C3orf20: variants seen among roughly 807,000 people sequenced by gnomAD.
C3orf20 encodes the protein family with sequence similarity 149 member C.
C3orf20 carries 76 observed loss-of-function variants against 88.3 expected under a neutral mutation model. That is an observed-to-expected ratio of 0.86 (90% CI 0.72 to 1.04). The LOEUF is 1.04. Among genes scored for constraint, C3orf20 ranks in the 50% least tolerant of loss-of-function variants. The pLI is 0.00. For missense variants in C3orf20, 1,056 were observed against 1,123.3 expected (o/e 0.94, Z 0.86); for synonymous variants, 436 against 437.4 (o/e 1.00, Z 0.04).
intron 4 of C3orf20, among the ~76,000 whole-genome samples, chr3:14,688,529 C>CAAAAAAAAAAA (rs35979290): frequency 1.1e-4 from 12 of 105,772 alleles, no homozygotes; most frequent in Non-Finnish European, 1.6e-4. Context: ...GAGACTGTCT[C>CAAAAAAAAAAA]AAAAAAAAAA....
intron 14 of C3orf20, 30 bp from the exon 15 acceptor site, chr3:14,761,443 G>C: frequency 1.2e-6 from 2 of 1,613,886 alleles, no homozygotes; most frequent in Non-Finnish European, 1.7e-6. Context: ...ATGTGCTGAG[G>C]ATCTCTCCTC....
At chr3:14,684,597 C>A in intron 4 of C3orf20, among the ~76,000 whole-genome samples, 1 of 152,208 alleles carries the variant, frequency 6.6e-6, no homozygotes, top group Admixed American at 6.5e-5. Context: ...TGGGCAACAG[C>A]TACACCTCAC....
chr3:14,704,398 T>G lies in C3orf20; in HGVS notation c.940T>G (p.Tyr314Asp). 6.2e-7 allele frequency: 1 copy of G among 1,614,068 alleles called. No individual in the cohort carries two copies. The highest frequency in any genetic ancestry group is 8.5e-7 in the Non-Finnish European group (1 of 1,179,994). Residue 314 changes from tyrosine to aspartate, a missense_variant, in exon 7 of 17, where the codon TAC (tyrosine) becomes GAC (aspartate). Transcript: ENST00000253697. ...CTCCTACCCCATGATCTTACGAAAC[T>G]ACAAGGCAAAGATGCCCTCTCATCT... is the stretch of plus-strand genomic sequence containing the variant. ...NISYPMILRN[Y>D]KAKMPSHLML...
intron 7 of C3orf20, among the ~76,000 whole-genome samples, chr3:14,706,407 G>A (rs2033505154): frequency 6.6e-6 from 1 of 151,928 alleles, no homozygotes; most frequent in Non-Finnish European, 1.5e-5. Context: ...TCCTCATGAA[G>A]CTGTGTCTAT....
intron 7 of C3orf20, among the ~76,000 whole-genome samples, chr3:14,712,281 A>G (rs1381795321): frequency 6.6e-6 from 1 of 152,080 alleles, no homozygotes; most frequent in Non-Finnish European, 1.5e-5. Flanking sequence ...AAAGAATACC[A>G]AAGATTTCTG....
intron 15 of C3orf20, among the ~76,000 whole-genome samples, chr3:14,771,387 A>G (rs191639390): frequency 1.3e-5 from 2 of 152,328 alleles, no homozygotes; most frequent in Admixed American, 1.3e-4. Flanking sequence ...ACAGAAATTC[A>G]TCCTCTCACA....
intron 7 of C3orf20, among the ~76,000 whole-genome samples, chr3:14,704,921 G>A (rs1438359744): frequency 6.6e-6 from 1 of 152,234 alleles, no homozygotes; most frequent in African/African-American, 2.4e-5. Context: ...GAACCTCTCA[G>A]TTGAGACGTG....
intron 12 of C3orf20, among the ~76,000 whole-genome samples, chr3:14,744,207 C>T (rs1434917646): frequency 6.6e-6 from 1 of 151,966 alleles, no homozygotes; most frequent in African/African-American, 2.4e-5. Context: ...ATTTCTTCCA[C>T]CAGATACTCT....
At chr3:14,727,691 T>G (rs2034402437) in intron 11 of C3orf20, among the ~76,000 whole-genome samples, 1 of 152,244 alleles carries the variant, frequency 6.6e-6, no homozygotes, top group Admixed American at 6.5e-5. Context: ...CCCCTTTCTC[T>G]GGGAAGCCTT....
intron 7 of C3orf20, among the ~76,000 whole-genome samples, chr3:14,713,772 ACTAC>A (rs1323593402): frequency 6.6e-6 from 1 of 152,214 alleles, no homozygotes; most frequent in Non-Finnish European, 1.5e-5. Context: ...GGAAGATAAT[ACTAC>A]CTACCACAAG....
chr3:14,704,990 C>A (rs1337127454), intron 7 of C3orf20, among the ~76,000 whole-genome samples: 1 of 152,202 alleles, frequency 6.6e-6, no homozygotes, highest in Non-Finnish European at 1.5e-5. Context: ...AGGCCTTAAA[C>A]AATTGGGAAC....
intron 7 of C3orf20, 130 bp from the exon 8 acceptor site, chr3:14,713,877 G>A: frequency 2.2e-6 from 2 of 912,364 alleles, no homozygotes; most frequent in Non-Finnish European, 1.7e-6. Flanking sequence ...AAAATGCAAG[G>A]AGGGTGTTTG....
At chr3:14,707,976 C>T (rs1051992004) in intron 7 of C3orf20, among the ~76,000 whole-genome samples, 15 of 151,962 alleles carry the variant, frequency 9.9e-5, no homozygotes, top group African/African-American at 3.1e-4. Flanking sequence ...TGCACCACCA[C>T]GCTGACTAAT....
intron 7 of C3orf20, among the ~76,000 whole-genome samples, chr3:14,713,670 C>G (rs1453204582): frequency 6.6e-6 from 1 of 152,154 alleles, no homozygotes. Flanking sequence ...CCAACTCATC[C>G]TGGTTTGCCT....
chr3:14,678,897 T>C (rs1044564392), intron 1 of C3orf20, among the ~76,000 whole-genome samples: 1 of 152,204 alleles, frequency 6.6e-6, no homozygotes, highest in African/African-American at 2.4e-5. Context: ...ATATAGCACA[T>C]GCAAATTCTT....
intron 5 of C3orf20, among the ~76,000 whole-genome samples, chr3:14,700,412 T>G (rs769614011): frequency 2.0e-5 from 3 of 152,214 alleles, no homozygotes. Context: ...TCTCTTAGGG[T>G]CTAACTTACC....
intron 1 of C3orf20, among the ~76,000 whole-genome samples, chr3:14,676,870 A>G (rs2031800484): frequency 6.6e-6 from 1 of 152,086 alleles, no homozygotes; most frequent in Non-Finnish European, 1.5e-5. Context: ...AGTGGCCCCA[A>G]CTCTGCTCAC....
At chr3:14,747,832 T>TTATA (rs959049523) in intron 12 of C3orf20, among the ~76,000 whole-genome samples, 1 of 151,864 alleles carries the variant, frequency 6.6e-6, no homozygotes, top group Non-Finnish European at 1.5e-5. Flanking sequence ...AGGCTTTATA[T>TTATA]TATATATATA....
In C3orf20 at chr3:14,726,893, C is replaced by T; in HGVS notation, c.1567-8C>T. 6.2e-7 allele frequency: 1 copy of T among 1,613,962 alleles called. No homozygotes were observed. The highest frequency in any genetic ancestry group is 8.5e-7 in the Non-Finnish European group (1 of 1,180,012). On this transcript the variant is annotated splice_polypyrimidine_tract_variant and splice_region_variant and intron_variant, in intron 10 of 16. Coordinates refer to ENST00000253697, the MANE Select transcript of C3orf20 (RefSeq NM_032137.5). ...GTGACACCCGCCCTCCCCTTTGCCC[C>T]TCTCCAGCTGAACCGCAGAATCAGC... is the stretch of plus-strand genomic sequence containing the variant.
Sources: allele counts gnomAD v4.1 joint callset (sites outside exome capture counted in the v4.1 genomes callset), GRCh38; gene constraint gnomAD v4.1.1; transcripts MANE v1.5; gene names NCBI Gene and HGNC (gene_info 2026-07-23, HGNC 2026-07-21).